Variants in ADAMTS9 observed in about 807,000 individuals in gnomAD.
ADAMTS9 encodes ADAM metallopeptidase with thrombospondin type 1 motif 9, also known as A disintegrin and metalloproteinase with thrombospondin motifs 9.
Under a neutral mutation model 257.1 loss-of-function variants are expected in ADAMTS9, and 107 were observed. The ratio of observed to expected loss-of-function variants is 0.42; its 90% CI spans 0.36 to 0.49. ADAMTS9 has a LOEUF of 0.49. Ranked by LOEUF, ADAMTS9 falls within the 20% of genes least tolerant of loss-of-function variation. The pLI, the probability that ADAMTS9 is intolerant of heterozygous loss-of-function variation, is 0.03. For missense variants in ADAMTS9, 2,353 were observed against 2,469.1 expected (o/e 0.95, Z 1.00); for synonymous variants, 982 against 880.9 (o/e 1.11, Z -2.03).
intron 3 of ADAMTS9, among the ~76,000 whole-genome samples, chr3:64,670,459 C>G (rs1013036835): frequency 1.3e-5 from 2 of 152,234 alleles, no homozygotes; most frequent in Non-Finnish European, 2.9e-5. Flanking sequence ...GCATGCTCCA[C>G]TATACTTTCT....
At position 64,687,385 on chromosome 3, in the gene ADAMTS9, G is replaced by T. The variant is rs1486158694; in HGVS notation, c.115+158C>A. Among the ~76,000 whole-genome samples the T allele has an allele frequency of 6.6e-6, 1 of 152,190 alleles. No individual in the cohort carries two copies. Among genetic ancestry groups the T allele is most frequent in the Non-Finnish European group, 1.5e-5 (1 of 68,036 alleles). Reference sequence around the variant, plus strand: ...CCATAGTGTCCCTCCCTAGCAATTGGTTGGGGATGACCCAAAGAAGGGAGA... The same window carrying T: ...CCATAGTGTCCCTCCCTAGCAATTGTTTGGGGATGACCCAAAGAAGGGAGA... On this transcript the variant is annotated intron_variant, in intron 1 of 39. Coordinates refer to ENST00000498707, the MANE Select transcript of ADAMTS9 (RefSeq NM_182920.2). This position sits in a 1 kb window ranked among gnomAD's most constrained non-coding sequence, Gnocchi z 4.4.
At chr3:64,529,982 A>ATTTTTTTTTTT (rs200385291) in intron 38 of ADAMTS9, among the ~76,000 whole-genome samples, 18 of 106,498 alleles carry the variant, frequency 1.7e-4, no homozygotes, top group Non-Finnish European at 2.3e-4. Flanking sequence ...CAGTTATTTA[A>ATTTTTTTTTTT]TTTTTTTTTT....
chr3:64,567,402 T>C (rs2083571560), intron 29 of ADAMTS9, among the ~76,000 whole-genome samples: 1 of 152,166 alleles, frequency 6.6e-6, no homozygotes, highest in African/African-American at 2.4e-5. Flanking sequence ...TTCAGATCAG[T>C]GGAGAGAAGG....
chr3:64,582,696 C>T (rs2084036999), intron 28 of ADAMTS9: 3 of 152,170 alleles, frequency 2.0e-5, no homozygotes, highest in African/African-American at 7.2e-5. Flanking sequence ...TGATAAGCAT[C>T]TACAATGTCC....
Position 64,596,810 on chromosome 3 carries a change from G to A in ADAMTS9, c.4179+20C>T, listed in dbSNP as rs964219629. The A allele has an allele frequency of 3.1e-6, 5 of 1,613,330 alleles. No homozygotes were observed. In the African/African-American group the frequency reaches 6.7e-5, roughly 22 times the overall value. On this transcript the variant is annotated intron_variant, in intron 27 of 39. Coordinates refer to ENST00000498707, the MANE Select transcript of ADAMTS9 (RefSeq NM_182920.2). ...TTAACACAATTCCTCTGTATTTATAGACGGATAGTTCACTCTCACCTCTCC... is the reference window on the plus strand; with the variant it reads ...TTAACACAATTCCTCTGTATTTATAAACGGATAGTTCACTCTCACCTCTCC...
At chr3:64,580,506 G>T (rs949767416) in intron 28 of ADAMTS9, among the ~76,000 whole-genome samples, 1 of 152,144 alleles carries the variant, frequency 6.6e-6, no homozygotes, top group Non-Finnish European at 1.5e-5. Flanking sequence ...TGTCCAGAAA[G>T]ACCAAATTTT....
chr3:64,548,426 G>C (rs546381973), intron 31 of ADAMTS9, among the ~76,000 whole-genome samples: 136 of 152,318 alleles, frequency 8.9e-4, no homozygotes, highest in Admixed American at 1.6e-3. Context: ...CATGCAGATG[G>C]CTAACAAACT....
At chr3:64,594,870 T>A (rs535367324) in intron 27 of ADAMTS9, among the ~76,000 whole-genome samples, 155 of 152,220 alleles carry the variant, frequency 1.0e-3, no homozygotes, top group Admixed American at 2.7e-3. Context: ...CACTGCAACC[T>A]CCGCCTCCCA....
At chr3:64,613,645 A>G in intron 21 of ADAMTS9, 136 bp from the exon 22 acceptor site, 1 of 790,486 alleles carries the variant, frequency 1.3e-6, no homozygotes, top group Non-Finnish European at 1.9e-6. Flanking sequence ...TTGTAAATAT[A>G]CTAAGCCTCA....
chr3:64,682,537 C>A (rs1449952302), intron 2 of ADAMTS9, among the ~76,000 whole-genome samples: 7 of 152,146 alleles, frequency 4.6e-5, no homozygotes, highest in African/African-American at 1.7e-4. Context: ...TGCCAAGTTG[C>A]TGAGTGGTGT....
At chr3:64,531,095 CTATT>C (rs752275056) in intron 38 of ADAMTS9, among the ~76,000 whole-genome samples, 4 of 152,224 alleles carry the variant, frequency 2.6e-5, no homozygotes, top group East Asian at 3.9e-4. Flanking sequence ...ATCAATATGA[CTATT>C]TAGTTAATCG....
intron 30 of ADAMTS9, among the ~76,000 whole-genome samples, chr3:64,555,128 G>A (rs1462750267): frequency 4.6e-5 from 7 of 152,114 alleles, no homozygotes; most frequent in South Asian, 2.1e-4. Flanking sequence ...GTGTATGGAC[G>A]GCAACTCACA....
chr3:64,667,628 A>G (rs1221159074), intron 3 of ADAMTS9, among the ~76,000 whole-genome samples: 2 of 152,176 alleles, frequency 1.3e-5, no homozygotes, highest in Non-Finnish European at 2.9e-5. Flanking sequence ...TGACTTGGGC[A>G]TGAGAGCTGG....
At chr3:64,533,854 A>C (rs9828835) in intron 37 of ADAMTS9, among the ~76,000 whole-genome samples, 1 of 152,176 alleles carries the variant, frequency 6.6e-6, no homozygotes, top group African/African-American at 2.4e-5. Flanking sequence ...TGCGGCTTTC[A>C]GGCTCCGGTA....
intron 6 of ADAMTS9, among the ~76,000 whole-genome samples, chr3:64,655,158 C>G (rs1015299485): frequency 6.6e-6 from 1 of 152,238 alleles, no homozygotes; most frequent in African/African-American, 2.4e-5. Context: ...GCTGGCAACA[C>G]TGAACTCATA....
chr3:64,619,768 C>T (rs1419036050), intron 19 of ADAMTS9, among the ~76,000 whole-genome samples: 1 of 152,122 alleles, frequency 6.6e-6, no homozygotes, highest in Admixed American at 6.5e-5. Flanking sequence ...TGATATAAGG[C>T]TACCCAGAAA....
At chr3:64,558,531 T>C (rs976601699) in intron 30 of ADAMTS9, among the ~76,000 whole-genome samples, 19 of 152,114 alleles carry the variant, frequency 1.2e-4, no homozygotes, top group African/African-American at 4.3e-4. Flanking sequence ...TCCCTCAAAG[T>C]TGTGCAGTAT....
chr3:64,548,606 C>G (rs981122594), intron 31 of ADAMTS9, among the ~76,000 whole-genome samples: 17 of 133,754 alleles, frequency 1.3e-4, no homozygotes, highest in Non-Finnish European at 2.1e-4. Flanking sequence ...TGGGGGGGAG[C>G]CCAGTGGGAG....
Position 64,631,557 on chromosome 3 carries a change from A to T in ADAMTS9, c.2294-7T>A. On this transcript the variant is annotated splice_polypyrimidine_tract_variant and splice_region_variant and intron_variant, in intron 15 of 39. Coordinates refer to ENST00000498707, the MANE Select transcript of ADAMTS9 (RefSeq NM_182920.2). ...CGGACCACAGTATTGTAACCTGAAA[A>T]GAATTTAGCAGAAATTCAGTACTCC... The T allele has an allele frequency of 6.2e-7, 1 of 1,608,960 alleles. No individual in the cohort carries two copies. The highest frequency in any genetic ancestry group is 2.2e-5 in the East Asian group (1 of 44,862).
Sources: allele counts gnomAD v4.1 joint callset (sites outside exome capture counted in the v4.1 genomes callset), GRCh38; gene constraint gnomAD v4.1.1; non-coding constraint Gnocchi (gnomAD v3.1); transcripts MANE v1.5; gene names NCBI Gene and HGNC (gene_info 2026-07-23, HGNC 2026-07-21).